The following ADAMTS2 variants were observed in gnomAD, a reference collection of about 807,000 sequenced individuals.
The protein encoded by ADAMTS2 is A disintegrin and metalloproteinase with thrombospondin motifs 2.
A neutral mutation model predicts 123.0 loss-of-function variants in ADAMTS2; 50 were observed. That is an observed-to-expected ratio of 0.41 (90% confidence interval 0.32 to 0.51). The LOEUF (loss-of-function observed/expected upper bound fraction) is 0.51, where lower values mean the gene tolerates loss of function less well. Among genes scored for constraint, ADAMTS2 ranks in the 20% least tolerant of loss-of-function variants. The pLI is 0.35. For synonymous variants in ADAMTS2, 678 were observed against 695.4 expected (o/e 0.98, Z 0.39); for missense variants, 1,494 against 1,705.2 (o/e 0.88, Z 2.18).
intron 3 of ADAMTS2, among the ~76,000 whole-genome samples, chr5:179,226,751 C>T (rs1350763410): frequency 6.6e-6 from 1 of 152,192 alleles, no homozygotes; most frequent in African/African-American, 2.4e-5. Context: ...CCTTTTGAAT[C>T]CACAATTCTA....
rs964950546 is a variant in ADAMTS2 at position 179,185,209 on chromosome 5, G to A, written c.892-4054C>T. Among the ~76,000 whole-genome samples the A allele has an allele frequency of 6.6e-6, 1 of 152,212 alleles. No individual in the cohort carries two copies. Among genetic ancestry groups the A allele is most frequent in the Non-Finnish European group, 1.5e-5 (1 of 68,042 alleles). ...CAGTGGGAGGACATGGAGGAAGGAT[G>A]ATGGCGGGGCATTTAAGAAGCTTAC... On this transcript the variant is annotated intron_variant, in intron 4 of 21. Transcript: ENST00000251582. The surrounding 1 kb of genome is among the most constrained non-coding windows in gnomAD (Gnocchi z 5.9).
rs1764218477 is a variant in ADAMTS2 at position 179,188,149 on chromosome 5, GAA to G, written c.892-6996_892-6995del. ...GAACAGCAGCCACCCCAACCTTCAGGAAAGTTCCCATGTCCTTCGCTCAGCTG... is the reference window on the plus strand; with the variant it reads ...GAACAGCAGCCACCCCAACCTTCAGGAGTTCCCATGTCCTTCGCTCAGCTG... On this transcript the variant is annotated intron_variant, in intron 4 of 21. Coordinates refer to ENST00000251582, the MANE Select transcript of ADAMTS2 (RefSeq NM_014244.5). The surrounding 1 kb of genome is among the most constrained non-coding windows in gnomAD (Gnocchi z 5.1). Among the ~76,000 whole-genome samples, 2 of 152,212 alleles carry G rather than the reference GAA, an allele frequency of 1.3e-5. No individual in the cohort carries two copies. Among genetic ancestry groups the G allele is most frequent in the Admixed American group, 1.3e-4 (2 of 15,290 alleles).
chr5:179,313,703 C>T (rs1197587290), intron 2 of ADAMTS2, among the ~76,000 whole-genome samples: 1 of 25,994 alleles, frequency 3.8e-5, no homozygotes, highest in African/African-American at 9.4e-5. Flanking sequence ...CATTCACACT[C>T]GTGCACACAC....
At chr5:179,294,023 G>C (rs1756263567) in intron 2 of ADAMTS2, among the ~76,000 whole-genome samples, 1 of 151,998 alleles carries the variant, frequency 6.6e-6, no homozygotes, top group Non-Finnish European at 1.5e-5. Flanking sequence ...CAGCACTTTT[G>C]GGAGGCCGAG....
intron 18 of ADAMTS2, among the ~76,000 whole-genome samples, chr5:179,125,704 C>T (rs1762842455): frequency 6.6e-6 from 1 of 152,256 alleles, no homozygotes; most frequent in Non-Finnish European, 1.5e-5. Context: ...GCTTAAGAAA[C>T]ATCTACCCCG....
chr5:179,320,064 G>C (rs1757116795), intron 2 of ADAMTS2, among the ~76,000 whole-genome samples: 1 of 152,238 alleles, frequency 6.6e-6, no homozygotes, highest in African/African-American at 2.4e-5. Context: ...TTGCCTTGCA[G>C]AGCCAGCCGA....
rs199630370 is a variant in ADAMTS2, at chr5:179,207,658, T to C, written c.746A>G (p.His249Arg). 7 of 1,613,562 alleles carry C rather than the reference T, an allele frequency of 4.3e-6. No homozygotes were observed. The highest frequency in any genetic ancestry group is 5.1e-6 in the Non-Finnish European group (6 of 1,180,040). The change falls in exon 4 of 22, where the codon CAC becomes CGC. Residue 249 changes from histidine to arginine, a missense_variant. By Grantham distance (29) the His-to-Arg change is conservative. Transcript: ENST00000251582. ...TGCCCTCCGCCTCGAGCTGTTGGCG[T>C]GCTCCTCTAGGACGCCCAGGGCGCG... ...LSRALGVLEE[H>R]ANSSRRRARR...
chr5:179,342,598 G>C (rs539197132), intron 2 of ADAMTS2, among the ~76,000 whole-genome samples: 10 of 152,246 alleles, frequency 6.6e-5, no homozygotes, highest in Non-Finnish European at 2.9e-5. Context: ...GCCCGAGTAC[G>C]GGCGTGCTCA....
rs1561648721 is a variant in ADAMTS2 at position 179,260,545 on chromosome 5, A to G, written c.688+12366T>C. ...ACAGGCTACCGGGTTTTGCCAGCCC[A>G]GGCTCTGAGCGGGGACAGGAGGGCA... On this transcript the variant is annotated intron_variant, in intron 3 of 21. Coordinates refer to ENST00000251582, the MANE Select transcript of ADAMTS2 (RefSeq NM_014244.5). This position sits in a 1 kb window ranked among gnomAD's most constrained non-coding sequence, Gnocchi z 4.2. 6.6e-6 allele frequency among the ~76,000 whole-genome samples: 1 copy of G among 152,126 alleles called. No individual in the cohort carries two copies. The highest frequency in any genetic ancestry group is 1.5e-5 in the Non-Finnish European group (1 of 68,014).
chr5:179,140,077 G>T, intron 10 of ADAMTS2, 42 bp from the exon 11 acceptor site: 1 of 1,612,938 alleles, frequency 6.2e-7, no homozygotes. Context: ...CCCTCACACC[G>T]GGCCGTGGGG....
chr5:179,196,411 G>A (rs1764432557), intron 4 of ADAMTS2, among the ~76,000 whole-genome samples: 2 of 152,150 alleles, frequency 1.3e-5, no homozygotes, highest in African/African-American at 2.4e-5. Context: ...TGCTTTGGGG[G>A]CTCAGGCATT....
intron 5 of ADAMTS2, among the ~76,000 whole-genome samples, chr5:179,164,682 C>G (rs1763665211): frequency 1.3e-5 from 2 of 152,228 alleles, no homozygotes; most frequent in Admixed American, 1.3e-4. Flanking sequence ...AGCTCTCCCA[C>G]TTCTGGGGGT....
chr5:179,223,529 TG>T (rs1170557652), intron 3 of ADAMTS2, among the ~76,000 whole-genome samples: 2 of 106,582 alleles, frequency 1.9e-5, no homozygotes, highest in African/African-American at 7.0e-5. Context: ...CTCACACACA[TG>T]CACTCACACT....
At chr5:179,310,043 C>G (rs1354883476) in intron 2 of ADAMTS2, among the ~76,000 whole-genome samples, 1 of 152,206 alleles carries the variant, frequency 6.6e-6, no homozygotes, top group Non-Finnish European at 1.5e-5. Context: ...AAGGGTGCCC[C>G]TGAATGTCCT....
chr5:179,288,972 C>T (rs544356631), intron 2 of ADAMTS2, among the ~76,000 whole-genome samples: 19 of 152,348 alleles, frequency 1.2e-4, no homozygotes, highest in African/African-American at 3.6e-4. Flanking sequence ...GTGCCAAGCC[C>T]GGGATCTCAG....
In ADAMTS2 at chr5:179,180,771, C is replaced by T. The variant is rs1051444057; in HGVS notation, c.975+301G>A. Among the ~76,000 whole-genome samples the T allele has an allele frequency of 4.8e-4, 73 of 152,338 alleles. No individual in the cohort carries two copies. Among genetic ancestry groups the T allele is most frequent in the African/African-American group, 1.6e-3 (66 of 41,558 alleles). ...GACTCAGGCTGCTGTTTACCCAATTCCCTCTGCCTCCTGACCACCCCTGGT... is the reference window on the plus strand; with the variant it reads ...GACTCAGGCTGCTGTTTACCCAATTTCCTCTGCCTCCTGACCACCCCTGGT... On this transcript the variant is annotated intron_variant, in intron 5 of 21. Coordinates refer to ENST00000251582, the MANE Select transcript of ADAMTS2 (RefSeq NM_014244.5). The surrounding 1 kb of genome is among the most constrained non-coding windows in gnomAD (Gnocchi z 4.6).
At chr5:179,281,590 G>A (rs11249623) in intron 2 of ADAMTS2, among the ~76,000 whole-genome samples, 57,425 of 152,056 alleles carry the variant, frequency 0.38, 11,077 homozygotes, top group East Asian at 0.55. Flanking sequence ...TCCATTTGCC[G>A]GTTGATGGAC....
chr5:179,240,786 C>G (rs571350865), intron 3 of ADAMTS2, among the ~76,000 whole-genome samples: 1 of 152,302 alleles, frequency 6.6e-6, no homozygotes, highest in South Asian at 2.1e-4. Flanking sequence ...CACCCTCGAC[C>G]CTGATACGCG....
intron 19 of ADAMTS2, among the ~76,000 whole-genome samples, chr5:179,124,610 G>A (rs968869097): frequency 2.3e-4 from 35 of 152,224 alleles, no homozygotes; most frequent in Non-Finnish European, 2.9e-5. Context: ...CACTGACCAC[G>A]TGGCAGCCAC....
Sources: allele counts gnomAD v4.1 joint callset (sites outside exome capture counted in the v4.1 genomes callset), GRCh38; gene constraint gnomAD v4.1.1; non-coding constraint Gnocchi (gnomAD v3.1); transcripts MANE v1.5; gene names NCBI Gene and HGNC (gene_info 2026-07-23, HGNC 2026-07-21).